PGAP4: variants seen among roughly 807,000 people sequenced by gnomAD.
The protein encoded by PGAP4 is post-GPI attachment to proteins GalNAc transferase 4.
PGAP4 carries 12 observed loss-of-function variants against 28.2 expected under a neutral mutation model. The observed-to-expected ratio is 0.42, with a 90% CI of 0.27 to 0.69. The LOEUF (loss-of-function observed/expected upper bound fraction) is 0.69, where lower values mean the gene tolerates loss of function less well. Ranked by LOEUF, PGAP4 falls within the 30% of genes least tolerant of loss-of-function variation. The probability of loss-of-function intolerance (pLI) is 0.22; values close to 1 mark genes in which losing one functional copy is unlikely to be tolerated. For synonymous variants in PGAP4, 205 were observed against 211.8 expected (o/e 0.97, Z 0.28); for missense variants, 425 against 513.5 (o/e 0.83, Z 1.67).
At chr9:101,491,803 A>T (rs1487749049), upstream of PGAP4, among the ~76,000 whole-genome samples, 1 of 135,118 alleles carries the variant, frequency 7.4e-6, no homozygotes, top group African/African-American at 2.8e-5. Flanking sequence ...AAAGAATGAA[A>T]TCTTAAAGGA....
intron 1 of PGAP4, among the ~76,000 whole-genome samples, chr9:101,485,018 G>C (rs1242554842): frequency 6.6e-6 from 1 of 152,186 alleles, no homozygotes; most frequent in Non-Finnish European, 1.5e-5. Flanking sequence ...TCTTGTGTTA[G>C]ACACTGGGAA....
rs541651825 is a variant in PGAP4 at position 101,480,517 on chromosome 9, A to G, written c.-77-3348T>C. ...TTCACTGACTGGAACAAATCACATA[A>G]TAACTCAAATTCAACAGAGCAGAAG... On this transcript the variant is annotated intron_variant, in intron 1 of 1. Transcript: ENST00000374848. Among the ~76,000 whole-genome samples, 4 of 152,318 alleles carry G rather than the reference A, an allele frequency of 2.6e-5. No homozygotes were observed. The East Asian group carries it at 7.7e-4, about 29-fold the overall frequency.
rs533155644 is a variant in PGAP4, at chr9:101,505,811, T to C, written c.-164-16611A>G. On this transcript the variant is annotated intron_variant, in intron 2 of 3. Coordinates refer to the PGAP4 transcript ENST00000374851. ...CTACCCACCCCCTTTGTAAATGGACTCTTCCCTGAAATTATCTGGTTCGTA... is the reference window on the plus strand; with the variant it reads ...CTACCCACCCCCTTTGTAAATGGACCCTTCCCTGAAATTATCTGGTTCGTA... Among the ~76,000 whole-genome samples, 162 of 152,242 alleles carry C rather than the reference T, an allele frequency of 1.1e-3. 1 individual carries two copies. The highest frequency in any genetic ancestry group is 3.6e-3 in the African/African-American group (150 of 41,562).
At chr9:101,490,146 G>C (rs985715474), upstream of PGAP4, among the ~76,000 whole-genome samples, 4 of 151,874 alleles carry the variant, frequency 2.6e-5, no homozygotes, top group South Asian at 2.1e-4. Flanking sequence ...CTCCTACAAG[G>C]CTCTTTGTAA....
At chr9:101,477,242 A>C in intron 1 of PGAP4, 73 bp from the exon 2 acceptor site, 4 of 1,242,116 alleles carry the variant, frequency 3.2e-6, no homozygotes, top group Non-Finnish European at 4.3e-6. Context: ...AAAAAAACAA[A>C]AGGACAAGAA....
At chr9:101,528,143 T>G (rs1040172167) in intron 2 of PGAP4, among the ~76,000 whole-genome samples, 1 of 152,238 alleles carries the variant, frequency 6.6e-6, no homozygotes, top group Non-Finnish European at 1.5e-5. Context: ...CCATGGCCTC[T>G]TTGTGCCCTT....
chr9:101,528,975 CCT>C (rs146323705), intron 2 of PGAP4, among the ~76,000 whole-genome samples: 102 of 147,906 alleles, frequency 6.9e-4, no homozygotes, highest in Admixed American at 6.1e-4. Flanking sequence ...TTGTGTTGCT[CCT>C]CTCTCTCTCT....
intron 2 of PGAP4, among the ~76,000 whole-genome samples, chr9:101,529,187 C>T (rs901416432): frequency 3.5e-5 from 5 of 144,574 alleles, no homozygotes; most frequent in African/African-American, 1.3e-4. Flanking sequence ...TGGAGTTTCA[C>T]TCTTTTTGCC....
In PGAP4 at chr9:101,480,209, G is replaced by T. The variant is rs36060319; in HGVS notation, c.-77-3040C>A. On this transcript the variant is annotated intron_variant, in intron 1 of 1. Transcript: ENST00000374848. ...TTACACACTACACGAATAAGGACAG[G>T]CTTCAGTAATGATCCCCAAAATCTC... Among the ~76,000 whole-genome samples, 17 of 152,032 alleles carry T rather than the reference G, an allele frequency of 1.1e-4. No individual in the cohort carries two copies. In the East Asian group the frequency reaches 3.3e-3, roughly 29 times the overall value.
intron 2 of PGAP4, among the ~76,000 whole-genome samples, chr9:101,506,379 C>G (rs919660615): frequency 6.6e-6 from 1 of 152,052 alleles, no homozygotes; most frequent in Non-Finnish European, 1.5e-5. Context: ...GGTATGAAAT[C>G]AAATTCAAGA....
upstream of PGAP4, among the ~76,000 whole-genome samples, chr9:101,489,473 T>G (rs1310945840): frequency 1.3e-5 from 2 of 152,138 alleles, no homozygotes; most frequent in Non-Finnish European, 2.9e-5. Context: ...CTATTACTTA[T>G]CCTAGGCCTG....
At chr9:101,523,629 T>A (rs1246805787) in intron 2 of PGAP4, among the ~76,000 whole-genome samples, 11,297 of 86,708 alleles carry the variant, frequency 0.13, 488 homozygotes, top group East Asian at 0.3. Context: ...CTTTTTTTTT[T>A]TTTTTTTTTT....
rs1826620329 is a variant in PGAP4, at chr9:101,486,590, C to A, written c.-78+359G>T. On this transcript the variant is annotated intron_variant, in intron 1 of 1. Coordinates refer to ENST00000374848, the MANE Select transcript of PGAP4 (RefSeq NM_032342.3). The surrounding 1 kb of genome is among the most constrained non-coding windows in gnomAD (Gnocchi z 4.7). Reference sequence around the variant, plus strand: ...TACCCAGACTGGCACGCGCCCCGCTCGCGTCCTTCTATTGACCTGTCAGCG... The same window carrying A: ...TACCCAGACTGGCACGCGCCCCGCTAGCGTCCTTCTATTGACCTGTCAGCG... Among the ~76,000 whole-genome samples, 1 of 152,198 alleles carries A rather than the reference C, an allele frequency of 6.6e-6. No homozygotes were observed. The highest frequency in any genetic ancestry group is 2.1e-4 in the South Asian group (1 of 4,836).
At chr9:101,502,702 C>T (rs1263418174) in intron 2 of PGAP4, among the ~76,000 whole-genome samples, 2 of 152,068 alleles carry the variant, frequency 1.3e-5, no homozygotes, top group Admixed American at 6.6e-5. Flanking sequence ...GTCCCTTGCT[C>T]TGGTCTCTGT....
At chr9:101,491,415 C>T (rs188322418), upstream of PGAP4, among the ~76,000 whole-genome samples, 36 of 152,130 alleles carry the variant, frequency 2.4e-4, no homozygotes, top group East Asian at 9.7e-4. Context: ...TTAACATGAA[C>T]GGTAGCAAAA....
chr9:101,494,031 T>G (rs1039245889), intron 2 of PGAP4, among the ~76,000 whole-genome samples: 36 of 152,016 alleles, frequency 2.4e-4, no homozygotes, highest in African/African-American at 8.7e-4. Context: ...CGTATAAGAA[T>G]TTTAGATTTA....
intron 2 of PGAP4, among the ~76,000 whole-genome samples, chr9:101,509,933 CAA>C (rs1826881008): frequency 6.6e-6 from 1 of 152,170 alleles, no homozygotes; most frequent in Non-Finnish European, 1.5e-5. Context: ...TGTAATCGTT[CAA>C]AGACTTGAAT....
chr9:101,505,766 A>C (rs1441061803), intron 2 of PGAP4, among the ~76,000 whole-genome samples: 2 of 152,054 alleles, frequency 1.3e-5, no homozygotes, highest in Non-Finnish European at 2.9e-5. Flanking sequence ...TACACAGTGG[A>C]TAATACAACC....
At chr9:101,513,181 A>G (rs1352366442) in intron 2 of PGAP4, among the ~76,000 whole-genome samples, 1 of 152,126 alleles carries the variant, frequency 6.6e-6, no homozygotes, top group African/African-American at 2.4e-5. Flanking sequence ...AGTGGCTAAT[A>G]TCTTGCCTGA....
Sources: allele counts gnomAD v4.1 joint callset (sites outside exome capture counted in the v4.1 genomes callset), GRCh38; gene constraint gnomAD v4.1.1; non-coding constraint Gnocchi (gnomAD v3.1); transcripts MANE v1.5; gene names NCBI Gene and HGNC (gene_info 2026-07-23, HGNC 2026-07-21).